Variants in NEBL observed in about 807,000 individuals in gnomAD.
NEBL encodes nebulette, also known as LIM and SH3 protein 2.
Under a neutral mutation model 140.2 loss-of-function variants are expected in NEBL, and 122 were observed. That is an observed-to-expected ratio of 0.87 (90% CI 0.75 to 1.01). The LOEUF is 1.01. Ranked by LOEUF, NEBL falls within the 50% of genes least tolerant of loss-of-function variation. The probability of loss-of-function intolerance (pLI) is 0.00; values close to 1 mark genes in which losing one functional copy is unlikely to be tolerated. For synonymous variants in NEBL, 436 were observed against 398.9 expected (o/e 1.09, Z -1.11); for missense variants, 1,365 against 1,231.3 (o/e 1.11, Z -1.62).
At chr10:20,833,346 T>C (rs1252748136) in intron 14 of NEBL, among the ~76,000 whole-genome samples, 1 of 151,948 alleles carries the variant, frequency 6.6e-6, no homozygotes, top group African/African-American at 2.4e-5. Context: ...ATAAGATCCA[T>C]TGACTTTATT....
At chr10:20,986,007 T>C (rs1397386677) in intron 3 of NEBL, among the ~76,000 whole-genome samples, 1 of 152,186 alleles carries the variant, frequency 6.6e-6, no homozygotes, top group Non-Finnish European at 1.5e-5. Flanking sequence ...CTGGACCTGG[T>C]GGCATTACAA....
intron 1 of NEBL, among the ~76,000 whole-genome samples, chr10:21,286,491 G>A (rs962739454): frequency 1.3e-5 from 2 of 152,182 alleles, no homozygotes; most frequent in African/African-American, 4.8e-5. Flanking sequence ...TCACCGTGAG[G>A]TTGACATGCC....
chr10:20,880,838 G>T lies in NEBL; in HGVS notation c.436C>A (p.Pro146Thr), dbSNP rs745323501. 3.7e-6 allele frequency: 6 copies of T among 1,613,870 alleles called. No individual in the cohort carries two copies. The highest frequency in any genetic ancestry group is 5.1e-6 in the Non-Finnish European group (6 of 1,180,002). The change falls in exon 5 of 28, where the codon CCT becomes ACT. Residue 146 changes from proline to threonine, a missense_variant. Pro to Thr is a conservative substitution (Grantham distance 38). Around this residue, in one of 2 missense-constraint regions of NEBL, gnomAD observed 1,323 missense variants for 1,154.8 expected, o/e 1.15. Coordinates refer to ENST00000377122, the MANE Select transcript of NEBL (RefSeq NM_006393.3). ...ACCTCCATGGCATGTTTAACCTCAG[G>T]GGGCTCCTTCATGTGGGCATAATCT... ...FSDYAHMKEPPEVKHAMEVNK... is the reference protein window; with the variant it reads ...FSDYAHMKEPTEVKHAMEVNK...
At chr10:20,973,252 T>C (rs907098253) in intron 3 of NEBL, among the ~76,000 whole-genome samples, 4 of 151,814 alleles carry the variant, frequency 2.6e-5, no homozygotes, top group Non-Finnish European at 5.9e-5. Context: ...TTTTTCTTTT[T>C]TTTTTTTTTT....
intron 2 of NEBL, among the ~76,000 whole-genome samples, chr10:21,109,057 G>T (rs1291020746): frequency 1.3e-5 from 2 of 152,140 alleles, no homozygotes; most frequent in Non-Finnish European, 2.9e-5. Context: ...TGGGGAGAGA[G>T]GGCATCCTTG....
rs780125289 is a variant in NEBL, at chr10:20,863,107, T to C, written c.685-3281A>G. Reference sequence around the variant, plus strand: ...TCACACTTGGAGAAAACACGGATACTGTTAAGCTACAGTGACGGCATTGTA... The same window carrying C: ...TCACACTTGGAGAAAACACGGATACCGTTAAGCTACAGTGACGGCATTGTA... On this transcript the variant is annotated intron_variant, in intron 7 of 27. Transcript: ENST00000377122. 5.8e-4 allele frequency among the ~76,000 whole-genome samples: 89 copies of C among 152,178 alleles called. 1 individual carries two copies. Among genetic ancestry groups the C allele is most frequent in the Non-Finnish European group, 9.7e-4 (66 of 68,030 alleles).
chr10:20,923,666 C>CAAAAAAAA (rs71390799), intron 4 of NEBL, among the ~76,000 whole-genome samples: 2,696 of 28,332 alleles, frequency 0.095, 769 homozygotes, highest in Middle Eastern at 0.22. Context: ...GACTCCGTCT[C>CAAAAAAAA]AAAAAAAAAA....
At chr10:21,162,155 A>C (rs1840583938) in intron 2 of NEBL, among the ~76,000 whole-genome samples, 1 of 152,202 alleles carries the variant, frequency 6.6e-6, no homozygotes, top group African/African-American at 2.4e-5. Flanking sequence ...TGATTGCACC[A>C]ATGTGCCAGG....
At chr10:20,952,312 C>G (rs1835514330) in intron 4 of NEBL, among the ~76,000 whole-genome samples, 1 of 151,922 alleles carries the variant, frequency 6.6e-6, no homozygotes, top group African/African-American at 2.4e-5. Context: ...TGCCAGGCAC[C>G]TGTAGTCCCA....
chr10:21,242,228 A>G (rs192635757), intron 3 of NEBL, among the ~76,000 whole-genome samples: 54 of 152,180 alleles, frequency 3.5e-4, no homozygotes, highest in African/African-American at 1.2e-3. Context: ...AGAAAAGAAA[A>G]GAAAAGAAAT....
At chr10:21,275,807 A>ATTTTTTTTTTTT (rs959684198) in intron 1 of NEBL, among the ~76,000 whole-genome samples, 22 of 113,762 alleles carry the variant, frequency 1.9e-4, no homozygotes, top group Non-Finnish European at 2.5e-4. Flanking sequence ...CACCCAGCTA[A>ATTTTTTTTTTTT]TTTTTTTTTT....
intron 3 of NEBL, among the ~76,000 whole-genome samples, chr10:20,981,787 G>A (rs1416194739): frequency 1.3e-5 from 2 of 152,148 alleles, no homozygotes; most frequent in Admixed American, 6.5e-5. Flanking sequence ...AGGTAAGCCT[G>A]CCTGAAAATG....
At chr10:21,130,459 C>G (rs1839051741) in intron 2 of NEBL, among the ~76,000 whole-genome samples, 1 of 152,172 alleles carries the variant, frequency 6.6e-6, no homozygotes, top group African/African-American at 2.4e-5. Context: ...ACACTCTTTT[C>G]AAACCCACAT....
chr10:21,153,704 C>T (rs1275304110), intron 2 of NEBL, among the ~76,000 whole-genome samples: 1 of 151,956 alleles, frequency 6.6e-6, no homozygotes, highest in Non-Finnish European at 1.5e-5. Flanking sequence ...TCAGTACAGA[C>T]GGGGTTTCAC....
chr10:20,978,397 C>T (rs1232898348), intron 3 of NEBL, among the ~76,000 whole-genome samples: 2 of 150,498 alleles, frequency 1.3e-5, no homozygotes. Context: ...CTATTTATGA[C>T]ATTTCTCAGT....
intron 4 of NEBL, among the ~76,000 whole-genome samples, chr10:20,941,529 A>G (rs1333744239): frequency 6.6e-6 from 1 of 152,004 alleles, no homozygotes; most frequent in Non-Finnish European, 1.5e-5. Flanking sequence ...GGCACAAGAC[A>G]GGGATGCCCT....
At chr10:20,969,544 CT>C (rs771623257) in intron 3 of NEBL, among the ~76,000 whole-genome samples, 9,677 of 115,638 alleles carry the variant, frequency 0.084, 314 homozygotes, top group East Asian at 0.27. Context: ...TTTTTCTTTT[CT>C]TTTTTTTTTT....
chr10:21,038,732 T>C (rs547488936), intron 2 of NEBL, among the ~76,000 whole-genome samples: 4 of 152,292 alleles, frequency 2.6e-5, no homozygotes, highest in Non-Finnish European at 4.4e-5. Flanking sequence ...TACGCAGTAA[T>C]GGGATTGCTG....
rs182630001 is a variant in NEBL at position 21,106,230 on chromosome 10, C to T, written c.164+66153G>A. 4.4e-3 allele frequency among the ~76,000 whole-genome samples: 675 copies of T among 152,278 alleles called. 4 individuals are homozygous for T. The highest frequency in any genetic ancestry group is 0.015 in the African/African-American group (632 of 41,552). On this transcript the variant is annotated intron_variant, in intron 2 of 6. Transcript: ENST00000417816. ...GTCTATTTTGGCTTTTGTTGCCATG[C>T]TTTTGGTGTTTTAGTCATGGAGTCT...
Sources: gnomAD v4.1 joint callset for allele counts (sites outside exome capture counted in the v4.1 genomes callset) on GRCh38, gnomAD v4.1.1 for gene constraint, gnomAD v4.1.1 regional missense constraint, MANE v1.5 for transcripts, NCBI Gene and HGNC (gene_info 2026-07-23, HGNC 2026-07-21) for gene names.